Variants in CFTR observed in about 807,000 individuals in gnomAD.
CFTR encodes CF transmembrane conductance regulator.
In CFTR, 181 loss-of-function variants were observed where a neutral mutation model predicts 171.6. The ratio of observed to expected loss-of-function variants is 1.05; its 90% CI spans 0.93 to 1.19. The LOEUF is 1.19. Ranked by LOEUF, CFTR falls within the 50% of genes most tolerant of loss-of-function variation. The pLI, the probability that CFTR is intolerant of heterozygous loss-of-function variation, is 0.00. For missense variants in CFTR, 1,968 were observed against 1,734.7 expected, an observed-to-expected ratio of 1.13 and a Z score of -2.39; for synonymous variants, 583 against 608.0, an observed-to-expected ratio of 0.96 and a Z score of 0.60.
chr7:117,520,834 G>C (rs1269446564), intron 3 of CFTR, among the ~76,000 whole-genome samples: 1 of 151,780 alleles, frequency 6.6e-6, no homozygotes, highest in Non-Finnish European at 1.5e-5. Context: ...ATGGTATTAG[G>C]ATTGTTGCAA....
chr7:117,575,624 T>A (rs1791758473), intron 11 of CFTR, among the ~76,000 whole-genome samples: 1 of 152,122 alleles, frequency 6.6e-6, no homozygotes, highest in South Asian at 2.1e-4. Context: ...AGTGGCTGAT[T>A]TTTGGCTCAT....
chr7:117,637,357 A>G (rs548421691), intron 22 of CFTR, among the ~76,000 whole-genome samples: 1 of 152,060 alleles, frequency 6.6e-6, no homozygotes, highest in African/African-American at 2.4e-5. Context: ...TGAGGGAAGT[A>G]TTCTGTAGTC....
rs148783445 is a variant in CFTR at position 117,666,998 on chromosome 7, G to A, written c.4333G>A (p.Asp1445Asn). 2.2e-4 allele frequency: 359 copies of A among 1,613,872 alleles called. 1 individual carries two copies. Among genetic ancestry groups the A allele is most frequent in the African/African-American group, 2.0e-3 (149 of 74,990 alleles). ...SLFRQAISPSDRVKLFPHRNS... is the reference protein window; with the variant it reads ...SLFRQAISPSNRVKLFPHRNS... Reference sequence around the variant, plus strand: ...CTTCCGGCAAGCCATCAGCCCCTCCGACAGGGTGAAGCTCTTTCCCCACCG... The same window carrying A: ...CTTCCGGCAAGCCATCAGCCCCTCCAACAGGGTGAAGCTCTTTCCCCACCG... Residue 1445 changes from aspartate (D) to asparagine (N), a missense_variant, in exon 27 of 27, where the codon GAC (aspartate) becomes AAC (asparagine). Transcript: ENST00000003084.
chr7:117,636,035 T>C (rs1178190822), intron 22 of CFTR, among the ~76,000 whole-genome samples: 3 of 152,134 alleles, frequency 2.0e-5, no homozygotes, highest in African/African-American at 7.2e-5. Flanking sequence ...TTTGAACATT[T>C]CTTACCAGCC....
intron 11 of CFTR, among the ~76,000 whole-genome samples, chr7:117,584,340 A>AT (rs1384688849): frequency 1.3e-5 from 2 of 152,110 alleles, no homozygotes; most frequent in African/African-American, 4.8e-5. Context: ...TCTTGAGTTA[A>AT]TTTTTGTATA....
intron 21 of CFTR, among the ~76,000 whole-genome samples, chr7:117,619,655 G>A (rs1314779524): frequency 6.6e-6 from 1 of 151,720 alleles, no homozygotes; most frequent in East Asian, 1.9e-4. Flanking sequence ...AATTCTCCAA[G>A]TGAAGCAGCA....
chr7:117,665,781 G>A (rs1028576516), intron 26 of CFTR, among the ~76,000 whole-genome samples: 1 of 152,176 alleles, frequency 6.6e-6, no homozygotes, highest in Non-Finnish European at 1.5e-5. Flanking sequence ...TAAAATGGCA[G>A]CATATTACTA....
chr7:117,522,900 A>G (rs3808186), intron 3 of CFTR, among the ~76,000 whole-genome samples: 35,030 of 152,104 alleles, frequency 0.23, 4,330 homozygotes, highest in East Asian at 0.42. Flanking sequence ...CATGATGCTT[A>G]AAACAGATTA....
chr7:117,531,088 G>A lies in CFTR; in HGVS notation c.463G>A (p.Ala155Thr). 2 of 1,613,388 alleles carry A rather than the reference G, an allele frequency of 1.2e-6. No individual in the cohort carries two copies. The highest frequency in any genetic ancestry group is 1.7e-6 in the Non-Finnish European group (2 of 1,179,658). The change falls in exon 4 of 27, where the codon GCT becomes ACT. Residue 155 changes from alanine to threonine, a missense_variant. By Grantham distance (58) the Ala-to-Thr change is moderately conservative. Transcript: ENST00000003084. ...TCACATTGGAATGCAGATGAGAATA[G>A]CTATGTTTAGTTTGATTTATAAGAA... ...LHHIGMQMRI[A>T]MFSLIYKKTL...
intron 3 of CFTR, among the ~76,000 whole-genome samples, chr7:117,512,803 A>G (rs1307322437): frequency 6.6e-6 from 1 of 152,116 alleles, no homozygotes; most frequent in Non-Finnish European, 1.5e-5. Flanking sequence ...ATGATAAGAA[A>G]TTCACAAGCA....
intron 4 of CFTR, among the ~76,000 whole-genome samples, chr7:117,533,118 C>G (rs1798889739): frequency 6.6e-6 from 1 of 152,070 alleles, no homozygotes; most frequent in South Asian, 2.1e-4. Flanking sequence ...TTCATTGAGT[C>G]CTTACTGTGC....
At chr7:117,507,934 A>C (rs1798447351) in intron 2 of CFTR, among the ~76,000 whole-genome samples, 1 of 152,094 alleles carries the variant, frequency 6.6e-6, no homozygotes, top group Non-Finnish European at 1.5e-5. Context: ...ACAGGCATGC[A>C]CCACCAGGCC....
At chr7:117,590,142 T>C (rs1172804351) in intron 12 of CFTR, among the ~76,000 whole-genome samples, 3 of 152,070 alleles carry the variant, frequency 2.0e-5, no homozygotes, top group Non-Finnish European at 4.4e-5. Flanking sequence ...CTGCAACTTA[T>C]TCCTTTATTC....
intron 1 of CFTR, among the ~76,000 whole-genome samples, chr7:117,489,594 G>C (rs1229382424): frequency 1.3e-5 from 2 of 151,938 alleles, no homozygotes; most frequent in African/African-American, 4.8e-5. Flanking sequence ...ATGATGGGCT[G>C]TTAACTGAGC....
intron 11 of CFTR, among the ~76,000 whole-genome samples, chr7:117,582,950 A>C (rs1399928333): frequency 6.6e-6 from 1 of 152,062 alleles, no homozygotes; most frequent in Non-Finnish European, 1.5e-5. Context: ...TCTTTCTCTA[A>C]TATTTTTTCA....
At chr7:117,490,423 A>C (rs933173831) in intron 1 of CFTR, among the ~76,000 whole-genome samples, 1 of 151,768 alleles carries the variant, frequency 6.6e-6, no homozygotes, top group Non-Finnish European at 1.5e-5. Context: ...AGTATGGGTC[A>C]GCTGGCAGGA....
At position 117,667,009 on chromosome 7, in the gene CFTR, G is replaced by T. The variant is rs759044436; in HGVS notation, c.4344G>T (p.Lys1448Asn). 1 of 1,614,004 alleles carries T rather than the reference G, an allele frequency of 6.2e-7. No homozygotes were observed. Among genetic ancestry groups the T allele is most frequent in the South Asian group, 1.1e-5 (1 of 91,072 alleles). ...CCATCAGCCCCTCCGACAGGGTGAA[G>T]CTCTTTCCCCACCGGAACTCAAGCA... ...RQAISPSDRV[K>N]LFPHRNSSKC... The change falls in exon 27 of 27, where the codon AAG becomes AAT. Residue 1448 changes from lysine (K) to asparagine (N), a missense_variant. Transcript: ENST00000003084.
At position 117,638,330 on chromosome 7, in the gene CFTR, G is replaced by GT. The variant is rs552744747; in HGVS notation, c.3718-4101dup. On this transcript the variant is annotated intron_variant, in intron 22 of 26. Coordinates refer to ENST00000003084, the MANE Select transcript of CFTR (RefSeq NM_000492.4). Reference sequence around the variant, plus strand: ...AACCAGATCAGAATCTGGAAGTCCTGTTTTTTTATTTTTTTTATCCCTTTG... The same window carrying GT: ...AACCAGATCAGAATCTGGAAGTCCTGTTTTTTTTATTTTTTTTATCCCTTTG... Among the ~76,000 whole-genome samples the GT allele has an allele frequency of 1.1e-4, 16 of 152,144 alleles. No individual in the cohort carries two copies. The South Asian group carries it at 2.5e-3, about 24-fold the overall frequency.
chr7:117,539,466 C>T (rs914818862), intron 7 of CFTR, among the ~76,000 whole-genome samples: 20 of 151,394 alleles, frequency 1.3e-4, no homozygotes, highest in African/African-American at 4.9e-4. Context: ...CCTACTGAGA[C>T]TCATTCAGTC....
Sources: gnomAD v4.1 joint callset for allele counts (sites outside exome capture counted in the v4.1 genomes callset) on GRCh38, gnomAD v4.1.1 for gene constraint, MANE v1.5 for transcripts, NCBI Gene and HGNC (gene_info 2026-07-23, HGNC 2026-07-21) for gene names.